Variants in PCYT1B observed in about 807,000 individuals in gnomAD.
PCYT1B encodes the protein choline-phosphate cytidylyltransferase B.
In PCYT1B, 10 loss-of-function variants were observed where a neutral mutation model predicts 26.4. The observed-to-expected ratio is 0.38, with a 90% CI of 0.23 to 0.64. PCYT1B has a LOEUF of 0.64. Among genes scored for constraint, PCYT1B ranks in the 30% least tolerant of loss-of-function variants. The pLI is 0.56. For synonymous variants in PCYT1B, 131 were observed against 108.4 expected, an observed-to-expected ratio of 1.21 and a Z score of -1.29; for missense variants, 161 against 292.7, an observed-to-expected ratio of 0.55 and a Z score of 3.28.
At chrX:24,575,648 G>C (rs1301196745) in intron 6 of PCYT1B, among the ~76,000 whole-genome samples, 1 of 112,272 alleles carries the variant, frequency 8.9e-6, no homozygotes, top group Non-Finnish European at 1.9e-5. Flanking sequence ...ATAGATATTG[G>C]GCAAATAACC....
intron 7 of PCYT1B, among the ~76,000 whole-genome samples, chrX:24,564,069 C>T (rs1923530685): frequency 9.1e-6 from 1 of 110,365 alleles, no homozygotes; most frequent in African/African-American, 3.3e-5. Flanking sequence ...GTAATCCAAG[C>T]TTCTGGGGAG....
At chrX:24,644,633 C>A (rs142057920) in intron 1 of PCYT1B, among the ~76,000 whole-genome samples, 72 of 111,892 alleles carry the variant, frequency 6.4e-4, no homozygotes, top group African/African-American at 2.2e-3. Flanking sequence ...GACCCTTGGG[C>A]AAGTCACTTA....
chrX:24,655,501 G>A (rs781399470), intron 1 of PCYT1B, among the ~76,000 whole-genome samples: 19 of 112,367 alleles, frequency 1.7e-4, no homozygotes, highest in African/African-American at 5.8e-4. Context: ...ACACAGTTGC[G>A]GCCAAGTGCA....
chrX:24,565,579 T>G (rs1370688851), intron 7 of PCYT1B, among the ~76,000 whole-genome samples: 3 of 110,487 alleles, frequency 2.7e-5, no homozygotes, highest in African/African-American at 9.9e-5. Context: ...CAAATGCCCA[T>G]GGGGTGGCAA....
At chrX:24,598,253 T>C (rs145023238) in intron 3 of PCYT1B, among the ~76,000 whole-genome samples, 5,443 of 111,626 alleles carry the variant, frequency 0.049, 135 homozygotes, top group Non-Finnish European at 0.075. Context: ...TATTTACAGG[T>C]CATCCTAATT....
chrX:24,657,338 A>G (rs1447105965), intron 1 of PCYT1B, among the ~76,000 whole-genome samples: 2 of 112,059 alleles, frequency 1.8e-5, no homozygotes, highest in African/African-American at 3.2e-5. Flanking sequence ...AAAAATGGAT[A>G]AATATTCCTC....
intron 4 of PCYT1B, among the ~76,000 whole-genome samples, chrX:24,588,700 T>C (rs1924452604): frequency 9.0e-6 from 1 of 111,584 alleles, no homozygotes; most frequent in East Asian, 2.8e-4. Context: ...AGTTGTCCTG[T>C]GCATTGGCAC....
At chrX:24,646,557 C>T (rs1190388821) in intron 1 of PCYT1B, among the ~76,000 whole-genome samples, 1 of 110,977 alleles carries the variant, frequency 9.0e-6, no homozygotes, top group East Asian at 2.8e-4. Flanking sequence ...TTTTTCCCCC[C>T]AAATTGGCAT....
At chrX:24,598,275 CT>C (rs1276479256) in intron 3 of PCYT1B, among the ~76,000 whole-genome samples, 1 of 111,602 alleles carries the variant, frequency 9.0e-6, no homozygotes, top group Non-Finnish European at 1.9e-5. Context: ...ATCTCATTGT[CT>C]ATAATGTTTA....
chrX:24,633,364 T>C (rs918972502), intron 1 of PCYT1B, among the ~76,000 whole-genome samples: 1 of 109,479 alleles, frequency 9.1e-6, no homozygotes, highest in African/African-American at 3.3e-5. Context: ...ATGTACCCCA[T>C]TAAGTATATA....
At chrX:24,604,342 C>T (rs950565080) in intron 3 of PCYT1B, among the ~76,000 whole-genome samples, 1 of 110,935 alleles carries the variant, frequency 9.0e-6, no homozygotes, top group Non-Finnish European at 1.9e-5. Flanking sequence ...TCACCCAACT[C>T]AGCCTCCCAA....
chrX:24,562,061 C>T lies in PCYT1B; in HGVS notation c.*232G>A. ...AGCAAGGTTAGAGTGACTCTAGACG[C>T]TAAGGTTTGTGTAGGTTGTCCAGCT... On this transcript the variant is annotated 3_prime_UTR_variant, in exon 8 of 8. Coordinates refer to ENST00000379144, the MANE Select transcript of PCYT1B (RefSeq NM_004845.5). 8.3e-7 allele frequency: 1 copy of T among 1,202,682 alleles called. No individual in the cohort carries two copies. The highest frequency in any genetic ancestry group is 1.1e-6 in the Non-Finnish European group (1 of 887,470).
At chrX:24,579,673 A>G (rs1339153118) in intron 5 of PCYT1B, among the ~76,000 whole-genome samples, 1 of 110,970 alleles carries the variant, frequency 9.0e-6, no homozygotes, top group Non-Finnish European at 1.9e-5. Context: ...ACCTGTTTCC[A>G]GGACATACCA....
intron 1 of PCYT1B, among the ~76,000 whole-genome samples, chrX:24,632,776 T>C (rs1602196501): frequency 9.0e-6 from 1 of 111,277 alleles, no homozygotes; most frequent in East Asian, 2.8e-4. Flanking sequence ...GGGAAGTGTG[T>C]GTGGGTGAGC....
Position 24,561,937 on chromosome X carries a change from G to T in PCYT1B, c.*356C>A, listed in dbSNP as rs932364493. On this transcript the variant is annotated 3_prime_UTR_variant, in exon 8 of 8. Coordinates refer to ENST00000379144, the MANE Select transcript of PCYT1B (RefSeq NM_004845.5). ...GAAGTAGCAGGTTGAGGGAACAGCC[G>T]CTGCCACAGGTGGTTTACTTGGTGG... The T allele has an allele frequency of 1.1e-5, 6 of 524,379 alleles. No homozygotes were observed. Among genetic ancestry groups the T allele is most frequent in the Non-Finnish European group, 1.6e-5 (5 of 308,733 alleles). 43.2% of individuals were successfully genotyped at this position (524,379 alleles called of 1,213,427 possible).
intron 1 of PCYT1B, chrX:24,658,293 A>T (rs1346528523): frequency 8.9e-6 from 1 of 112,230 alleles, no homozygotes; most frequent in Non-Finnish European, 1.9e-5. Flanking sequence ...GAATGCTCAA[A>T]GAGAGACTCC....
intron 4 of PCYT1B, among the ~76,000 whole-genome samples, chrX:24,588,780 C>T (rs1354345128): frequency 8.9e-6 from 1 of 111,856 alleles, no homozygotes; most frequent in Non-Finnish European, 1.9e-5. Context: ...TGTCTCAAGA[C>T]ATTGCCAAAT....
intron 1 of PCYT1B, among the ~76,000 whole-genome samples, chrX:24,663,727 G>A (rs1253896172): frequency 1.8e-5 from 2 of 110,985 alleles, no homozygotes; most frequent in Non-Finnish European, 3.8e-5. Context: ...GACCAGCCTG[G>A]CCAACATGGT....
chrX:24,647,048 T>C lies in PCYT1B; in HGVS notation c.58A>G (p.Asn20Asp), dbSNP rs150429752. 298 of 1,209,341 alleles carry C rather than the reference T, an allele frequency of 2.5e-4. No homozygotes were observed. The African/African-American group carries it at 4.9e-3, about 20-fold the overall frequency. Residue 20 changes from asparagine (N) to aspartate (D), a missense_variant, in exon 1 of 8, where the codon AAT (asparagine) becomes GAT (aspartate). Physicochemically the swap from Asn to Asp is conservative, Grantham distance 23. Coordinates refer to ENST00000379144, the MANE Select transcript of PCYT1B (RefSeq NM_004845.5). ...SETGIPKSLS[N>D]EPPSETMEEI... ...TCCATGGTTTCTGAGGGAGGCTCAT[T>C]GGAAAGGGATTTTGGGATACCTGTT...
Sources: allele counts gnomAD v4.1 joint callset (sites outside exome capture counted in the v4.1 genomes callset), GRCh38; gene constraint gnomAD v4.1.1; transcripts MANE v1.5; gene names NCBI Gene and HGNC (gene_info 2026-07-23, HGNC 2026-07-21).